Variants in GGACT observed in about 807,000 individuals in gnomAD.
GGACT encodes the protein gamma-glutamylaminecyclotransferase.
For synonymous variants in GGACT, 118 were observed against 115.3 expected (o/e 1.02, Z -0.15); for missense variants, 241 against 233.2 (o/e 1.03, Z -0.22).
At chr13:100,574,856 A>G (rs1350058063) in intron 2 of GGACT, among the ~76,000 whole-genome samples, 2 of 152,156 alleles carry the variant, frequency 1.3e-5, no homozygotes, top group Non-Finnish European at 2.9e-5. Flanking sequence ...CATATAATAT[A>G]TAAATCATAC....
intron 2 of GGACT, chr13:100,533,316 C>CGCGGAGGTT (rs1007129779): frequency 2.6e-5 from 4 of 152,456 alleles, no homozygotes; most frequent in Non-Finnish European, 5.9e-5. Flanking sequence ...GTGTGGTGGG[C>CGCGGAGGTT]GCGGAGGTTG....
chr13:100,579,907 T>C lies in GGACT; in HGVS notation c.-11+3918A>G, dbSNP rs570079602. 2.0e-5 allele frequency: 3 copies of C among 152,294 alleles called. No individual in the cohort carries two copies. In the East Asian group the frequency reaches 5.8e-4, roughly 29 times the overall value. The allele number at this position is 152,294 out of a possible 1,614,324, so 9.4% of individuals were successfully genotyped here. On this transcript the variant is annotated intron_variant, in intron 2 of 2. Transcript: ENST00000683975. ...ACAGGGTAGAGAGGGATCACCCCCT[T>C]TCTGCCCCTACAGAGTGAATCAGAA...
chr13:100,532,703 C>G lies in GGACT; in HGVS notation c.-10-102G>C, dbSNP rs955549469. On this transcript the variant is annotated intron_variant, in intron 2 of 2. Coordinates refer to ENST00000683975, the MANE Select transcript of GGACT (RefSeq NM_001195087.2). ...CACAGAGCCTCCACTGGGGCCGCACCACCTGAATGCGCCTGGCTGTGCTCA... is the reference window on the plus strand; with the variant it reads ...CACAGAGCCTCCACTGGGGCCGCACGACCTGAATGCGCCTGGCTGTGCTCA... The G allele has an allele frequency of 5.8e-6, 5 of 856,930 alleles. No individual in the cohort carries two copies. The African/African-American group carries it at 8.5e-5, about 15-fold the overall frequency. 53.1% of individuals were successfully genotyped at this position (856,930 alleles called of 1,614,324 possible).
At chr13:100,573,262 C>G (rs1875141212) in intron 2 of GGACT, among the ~76,000 whole-genome samples, 1 of 152,124 alleles carries the variant, frequency 6.6e-6, no homozygotes, top group Admixed American at 6.5e-5. Flanking sequence ...GTCTGGTATT[C>G]TAAACACCCT....
Position 100,532,536 on chromosome 13 carries a change from AC to A in GGACT, c.55del (p.Val19SerfsTer25). 6.5e-7 allele frequency: 1 copy of A among 1,547,974 alleles called. No homozygotes were observed. The highest frequency in any genetic ancestry group is 8.7e-7 in the Non-Finnish European group (1 of 1,145,550). On this transcript the variant is annotated frameshift_variant, in exon 3 of 3. Transcript: ENST00000683975. LOFTEE classifies it low-confidence loss of function (END_TRUNC). Reference sequence around the variant, plus strand: ...GGAGCCGTGGGCGCCGTCCCGCAGGACCCTGTGGTTGGGCTGACCCCGCTTC... The same window carrying A: ...GGAGCCGTGGGCGCCGTCCCGCAGGACCTGTGGTTGGGCTGACCCCGCTTC... ...TLKRGQPNHR[V>X]LRDGAHGSAA...
chr13:100,578,495 C>G (rs1875319034), intron 2 of GGACT, among the ~76,000 whole-genome samples: 1 of 152,216 alleles, frequency 6.6e-6, no homozygotes, highest in Non-Finnish European at 1.5e-5. Flanking sequence ...TATATCCCAG[C>G]TGATCTTAAG....
intron 2 of GGACT, among the ~76,000 whole-genome samples, chr13:100,546,361 C>CAAAAAA (rs778470021): frequency 1.5e-4 from 8 of 54,562 alleles, no homozygotes; most frequent in Non-Finnish European, 2.5e-4. Flanking sequence ...GACTCTGTCT[C>CAAAAAA]AAAAAAAAAA....
intron 2 of GGACT, among the ~76,000 whole-genome samples, chr13:100,558,118 T>G (rs2088725129): frequency 6.7e-6 from 1 of 150,352 alleles, no homozygotes. Context: ...AGGCGGAGGT[T>G]GCAGTGAGCT....
intron 1 of GGACT, among the ~76,000 whole-genome samples, chr13:100,586,444 G>T (rs1054571376): frequency 1.2e-4 from 19 of 152,140 alleles, no homozygotes; most frequent in Admixed American, 1.0e-3. Context: ...AAAATGTAGA[G>T]GTTATCACTG....
chr13:100,530,459 T>TGAA lies in GGACT; in HGVS notation c.*1668_*1670dup, dbSNP rs1195779277. 9 of 499,666 alleles carry TGAA rather than the reference T, an allele frequency of 1.8e-5. No homozygotes were observed. The East Asian group carries it at 3.0e-4, about 17-fold the overall frequency. The allele number at this position is 499,666 out of a possible 1,614,324, so 31.0% of individuals were successfully genotyped here. A position where few individuals can be genotyped will look rare whatever the true frequency, so the allele number is the denominator to read the frequency against. ...AATATTAGTTTGCCCTTTCTTTGAA[T>TGAA]GAAGACAATGTACACATAGGCGACA... On this transcript the variant is annotated 3_prime_UTR_variant, in exon 3 of 3. Transcript: ENST00000683975.
intron 2 of GGACT, among the ~76,000 whole-genome samples, chr13:100,570,316 A>G (rs1156603476): frequency 1.3e-5 from 2 of 152,316 alleles, no homozygotes; most frequent in African/African-American, 4.8e-5. Flanking sequence ...CGTGTTCAGC[A>G]TAGCTGAGGA....
At chr13:100,544,733 C>T (rs1182495435) in intron 2 of GGACT, among the ~76,000 whole-genome samples, 2 of 152,200 alleles carry the variant, frequency 1.3e-5, no homozygotes, top group South Asian at 2.1e-4. Flanking sequence ...ATATAAATAA[C>T]GATTTTTTTC....
chr13:100,587,800 G>T (rs934331509), intron 1 of GGACT, among the ~76,000 whole-genome samples: 3 of 152,246 alleles, frequency 2.0e-5, no homozygotes, highest in Non-Finnish European at 4.4e-5. Context: ...GGCCAAGGCG[G>T]GCGGATCACG....
Position 100,531,887 on chromosome 13 carries a change from T to C in GGACT, c.*243A>G. The C allele has an allele frequency of 2.4e-6, 1 of 412,258 alleles. No homozygotes were observed. Among genetic ancestry groups the C allele is most frequent in the Admixed American group, 3.9e-5 (1 of 25,512 alleles). 25.5% of individuals were successfully genotyped at this position (412,258 alleles called of 1,614,324 possible). A position where few individuals can be genotyped will look rare whatever the true frequency, so the allele number is the denominator to read the frequency against. ...AGAATTAGGCATAACACGAGTTCTC[T>C]AAATGTCATTTAGGGGAGTTAAAAT... On this transcript the variant is annotated 3_prime_UTR_variant, in exon 3 of 3. Transcript: ENST00000683975.
chr13:100,573,884 C>CAAAAAA (rs34897728), intron 2 of GGACT, among the ~76,000 whole-genome samples: 3 of 119,186 alleles, frequency 2.5e-5, no homozygotes, highest in South Asian at 4.9e-4. Context: ...ATCAAAAAGT[C>CAAAAAA]AAAAAAAAAA....
rs1351011776 is a variant in GGACT, at chr13:100,542,320, C to T, written c.-10-9719G>A. 3.9e-5 allele frequency among the ~76,000 whole-genome samples: 6 copies of T among 152,290 alleles called. No homozygotes were observed. In the South Asian group the frequency reaches 1.0e-3, roughly 26 times the overall value. On this transcript the variant is annotated intron_variant, in intron 2 of 2. Coordinates refer to ENST00000683975, the MANE Select transcript of GGACT (RefSeq NM_001195087.2). Reference sequence around the variant, plus strand: ...CATGGGACAAGATCGTCCTTCATGACGCTGTGGAAACGTTGGGGAGAGCAC... The same window carrying T: ...CATGGGACAAGATCGTCCTTCATGATGCTGTGGAAACGTTGGGGAGAGCAC...
At chr13:100,579,000 G>C (rs1244185108) in intron 2 of GGACT, 2 of 152,184 alleles carry the variant, frequency 1.3e-5, no homozygotes, top group Non-Finnish European at 2.9e-5. Context: ...ATAATATGGG[G>C]AGTATTCCCG....
At chr13:100,540,551 G>A (rs1356648155) in intron 2 of GGACT, among the ~76,000 whole-genome samples, 1 of 152,118 alleles carries the variant, frequency 6.6e-6, no homozygotes, top group Admixed American at 6.5e-5. Flanking sequence ...TGTCAATTTT[G>A]TTAGTCTTCT....
At chr13:100,541,469 T>A (rs1045228840) in intron 2 of GGACT, among the ~76,000 whole-genome samples, 5 of 152,194 alleles carry the variant, frequency 3.3e-5, no homozygotes, top group African/African-American at 1.2e-4. Flanking sequence ...CTGATGAATG[T>A]GAATTCCCTC....
Sources: allele counts gnomAD v4.1 joint callset (sites outside exome capture counted in the v4.1 genomes callset), GRCh38; gene constraint gnomAD v4.1.1; transcripts MANE v1.5; gene names NCBI Gene and HGNC (gene_info 2026-07-23, HGNC 2026-07-21).